Variants in MACROH2A2 observed in about 807,000 individuals in gnomAD.
MACROH2A2 encodes the protein core histone macro-H2A.2.
Under a neutral mutation model 37.6 loss-of-function variants are expected in MACROH2A2, and 6 were observed. That is an observed-to-expected ratio of 0.16 (90% CI 0.09 to 0.32). The LOEUF (loss-of-function observed/expected upper bound fraction) is 0.32, where lower values mean the gene tolerates loss of function less well. MACROH2A2 is among the 10% of genes least tolerant of loss of function. The pLI is 1.00. For missense variants in MACROH2A2, 290 were observed against 485.9 expected, an observed-to-expected ratio of 0.60 and a Z score of 3.79; for synonymous variants, 192 against 202.7, an observed-to-expected ratio of 0.95 and a Z score of 0.45.
At chr10:70,069,928 C>T (rs2072099513) in intron 1 of MACROH2A2, among the ~76,000 whole-genome samples, 1 of 152,154 alleles carries the variant, frequency 6.6e-6, no homozygotes, top group Admixed American at 6.6e-5. Flanking sequence ...AGGCATAATC[C>T]AGCACAGGCT....
intron 6 of MACROH2A2, among the ~76,000 whole-genome samples, chr10:70,097,977 C>A (rs549008417): frequency 2.1e-4 from 32 of 152,200 alleles, no homozygotes; most frequent in African/African-American, 7.0e-4. Flanking sequence ...TACGGTGGCT[C>A]ACACCTGTAA....
chr10:70,071,253 C>T (rs1435253081), intron 1 of MACROH2A2, among the ~76,000 whole-genome samples: 1 of 152,154 alleles, frequency 6.6e-6, no homozygotes, highest in Non-Finnish European at 1.5e-5. Context: ...GGTTTCTTGA[C>T]AACCAGACTT....
At chr10:70,106,014 GAA>G (rs368782341) in intron 7 of MACROH2A2, among the ~76,000 whole-genome samples, 108 of 152,292 alleles carry the variant, frequency 7.1e-4, no homozygotes, top group African/African-American at 2.5e-3. Context: ...CACGCAGGAA[GAA>G]GAGAGGCCAT....
intron 7 of MACROH2A2, among the ~76,000 whole-genome samples, chr10:70,106,131 C>T (rs983388080): frequency 2.0e-5 from 3 of 152,212 alleles, no homozygotes; most frequent in East Asian, 1.9e-4. Context: ...CTAGAGTCCC[C>T]TTTTGCTGTG....
chr10:70,079,265 G>A (rs1269156261), intron 2 of MACROH2A2, among the ~76,000 whole-genome samples: 1 of 151,978 alleles, frequency 6.6e-6, no homozygotes, highest in South Asian at 2.1e-4. Context: ...CCGAGACTCT[G>A]GGGTATTTTC....
At chr10:70,097,314 G>A (rs146280738) in intron 6 of MACROH2A2, among the ~76,000 whole-genome samples, 1 of 152,158 alleles carries the variant, frequency 6.6e-6, no homozygotes, top group East Asian at 1.9e-4. Flanking sequence ...CTCTGTAAGG[G>A]AGGATAGCAA....
intron 2 of MACROH2A2, among the ~76,000 whole-genome samples, chr10:70,083,710 A>G (rs2072194807): frequency 6.6e-6 from 1 of 151,092 alleles, no homozygotes; most frequent in African/African-American, 2.4e-5. Flanking sequence ...CCAGAGCCAC[A>G]GTGTCTCTAG....
intron 1 of MACROH2A2, among the ~76,000 whole-genome samples, chr10:70,067,346 T>C (rs1030490260): frequency 6.6e-6 from 1 of 152,184 alleles, no homozygotes; most frequent in Non-Finnish European, 1.5e-5. Flanking sequence ...ATGGTCCAAA[T>C]GTGAAGCCAC....
chr10:70,083,234 G>A (rs2072191684), intron 2 of MACROH2A2, among the ~76,000 whole-genome samples: 1 of 152,178 alleles, frequency 6.6e-6, no homozygotes, highest in Non-Finnish European at 1.5e-5. Flanking sequence ...GACTGATGCA[G>A]ACACTGCAGT....
chr10:70,102,563 A>G (rs1320019573), intron 7 of MACROH2A2, among the ~76,000 whole-genome samples: 1 of 152,098 alleles, frequency 6.6e-6, no homozygotes, highest in Non-Finnish European at 1.5e-5. Flanking sequence ...CTAAAAATAC[A>G]AAAATTAGCC....
At chr10:70,058,076 T>G (rs1242855173) in intron 1 of MACROH2A2, among the ~76,000 whole-genome samples, 3 of 152,218 alleles carry the variant, frequency 2.0e-5, no homozygotes, top group Non-Finnish European at 4.4e-5. Flanking sequence ...TAGGCAAATT[T>G]TTATTTTCAA....
chr10:70,098,885 G>T (rs548737971), intron 6 of MACROH2A2: 3 of 152,202 alleles, frequency 2.0e-5, no homozygotes, highest in Admixed American at 2.0e-4. Flanking sequence ...GAATGCTTCT[G>T]TAGAGAGAAA....
At chr10:70,061,964 T>C (rs1714338472) in intron 1 of MACROH2A2, among the ~76,000 whole-genome samples, 1 of 152,228 alleles carries the variant, frequency 6.6e-6, no homozygotes. Flanking sequence ...TATTATACTA[T>C]AATGATTTGC....
At chr10:70,087,452 C>T (rs971744064) in intron 2 of MACROH2A2, among the ~76,000 whole-genome samples, 1 of 151,634 alleles carries the variant, frequency 6.6e-6, no homozygotes, top group East Asian at 1.9e-4. Flanking sequence ...AGTCTGGTCT[C>T]GAACTCCTGA....
Position 70,075,900 on chromosome 10 carries a change from C to G in MACROH2A2, c.172+70C>G. ...CCCTCCCCTGGGTCCCCCTCGCAGG[C>G]TGGGGAGGGATGCTCCAAATTGCCT... On this transcript the variant is annotated intron_variant, in intron 2 of 8. Transcript: ENST00000373255. This position sits in a 1 kb window ranked among gnomAD's most constrained non-coding sequence, Gnocchi z 5.0. 7.5e-7 allele frequency: 1 copy of G among 1,341,590 alleles called. No individual in the cohort carries two copies. The highest frequency in any genetic ancestry group is 1.3e-5 in the South Asian group (1 of 78,026). The allele number at this position is 1,341,590 out of a possible 1,614,324, so 83.1% of individuals were successfully genotyped here. A position where few individuals can be genotyped will look rare whatever the true frequency, so the allele number is the denominator to read the frequency against.
At chr10:70,074,116 C>T (rs906355988) in intron 1 of MACROH2A2, among the ~76,000 whole-genome samples, 2 of 152,188 alleles carry the variant, frequency 1.3e-5, no homozygotes, top group South Asian at 2.1e-4. Context: ...TTGTCGGTTA[C>T]GGTACCCTGT....
intron 6 of MACROH2A2, among the ~76,000 whole-genome samples, chr10:70,096,534 G>A (rs944478443): frequency 1.3e-5 from 2 of 152,178 alleles, no homozygotes; most frequent in African/African-American, 2.4e-5. Context: ...CCTGTCCCAC[G>A]AGTGGCAGAG....
intron 1 of MACROH2A2, among the ~76,000 whole-genome samples, chr10:70,072,786 G>T (rs1181266877): frequency 4.6e-5 from 7 of 151,918 alleles, no homozygotes; most frequent in African/African-American, 1.5e-4. Context: ...GTGAAACCTC[G>T]TCTCTACTAA....
chr10:70,080,244 A>G (rs1017854873), intron 2 of MACROH2A2, among the ~76,000 whole-genome samples: 1 of 150,932 alleles, frequency 6.6e-6, no homozygotes, highest in Non-Finnish European at 1.5e-5. Context: ...GCGTCATTGC[A>G]CTCCAGCCTG....
Sources: allele counts gnomAD v4.1 joint callset (sites outside exome capture counted in the v4.1 genomes callset), GRCh38; gene constraint gnomAD v4.1.1; non-coding constraint Gnocchi (gnomAD v3.1); transcripts MANE v1.5; gene names NCBI Gene and HGNC (gene_info 2026-07-23, HGNC 2026-07-21).